Variants in HECW2 observed in about 807,000 individuals in gnomAD.
HECW2 encodes HECT, C2 and WW domain containing E3 ubiquitin protein ligase 2.
Under a neutral mutation model 175.2 loss-of-function variants are expected in HECW2, and 61 were observed. The ratio of observed to expected loss-of-function variants is 0.35; its 90% CI spans 0.28 to 0.43. HECW2 has a LOEUF of 0.43. Among genes scored for constraint, HECW2 ranks in the 20% least tolerant of loss-of-function variants. HECW2 has a pLI of 1.00. For missense variants in HECW2, 1,524 were observed against 2,000.5 expected (o/e 0.76, Z 4.54); for synonymous variants, 671 against 731.0 (o/e 0.92, Z 1.32).
At chr2:196,436,294 G>A (rs1014694062) in intron 1 of HECW2, among the ~76,000 whole-genome samples, 6 of 151,814 alleles carry the variant, frequency 4.0e-5, no homozygotes, top group East Asian at 1.9e-4. Flanking sequence ...CCAGCTACTC[G>A]GGAGGCTGAG....
In HECW2 at chr2:196,217,050, T is replaced by G. The variant is rs1687499503; in HGVS notation, c.4452A>C (p.Ala1484=). 1 of 1,559,240 alleles carries G rather than the reference T, an allele frequency of 6.4e-7. No individual in the cohort carries two copies. The highest frequency in any genetic ancestry group is 2.2e-5 in the Admixed American group (1 of 46,352). ...NHIVIRWFWA[A]VERFNNEQRL... is the part of the protein sequence containing the mutation. ...GTTGTTCATTGTTGAATCTTTCCAC[T>G]GCAGCCCAGAACCACCGAATTACAA... Residue 1484 remains alanine, a synonymous_variant, in exon 27 of 29, where the codon GCA becomes GCC. Transcript: ENST00000644978.
At chr2:196,344,235 T>C (rs1692866892) in intron 2 of HECW2, among the ~76,000 whole-genome samples, 1 of 148,916 alleles carries the variant, frequency 6.7e-6, no homozygotes, top group African/African-American at 2.5e-5. Context: ...CCAGGAACAG[T>C]GTTTAGGGAA....
intron 2 of HECW2, among the ~76,000 whole-genome samples, chr2:196,402,254 A>G (rs575447025): frequency 3.0e-4 from 46 of 151,566 alleles, no homozygotes; most frequent in African/African-American, 9.7e-4. Context: ...ATAAGTTACT[A>G]AAGGAAAAAA....
At chr2:196,502,769 G>C (rs755017698) in intron 1 of HECW2, among the ~76,000 whole-genome samples, 1 of 152,142 alleles carries the variant, frequency 6.6e-6, no homozygotes, top group Non-Finnish European at 1.5e-5. Flanking sequence ...GGTGGGACAG[G>C]CATGCTCTTC....
At chr2:196,485,336 T>C (rs1686965273) in intron 1 of HECW2, among the ~76,000 whole-genome samples, 1 of 152,186 alleles carries the variant, frequency 6.6e-6, no homozygotes, top group East Asian at 1.9e-4. Flanking sequence ...TAGAACATTG[T>C]CTTGGTCCGT....
intron 28 of HECW2, among the ~76,000 whole-genome samples, chr2:196,212,605 A>T (rs1470398372): frequency 6.6e-6 from 1 of 152,130 alleles, no homozygotes; most frequent in African/African-American, 2.4e-5. Context: ...ATTGATGGGC[A>T]TTTAGGTTGA....
chr2:196,530,611 A>G (rs1688807505), intron 1 of HECW2, among the ~76,000 whole-genome samples: 1 of 152,186 alleles, frequency 6.6e-6, no homozygotes, highest in African/African-American at 2.4e-5. Context: ...ACTCCTTAAC[A>G]TGGTTTAGTG....
intron 5 of HECW2, among the ~76,000 whole-genome samples, chr2:196,325,597 G>T (rs1391303075): frequency 1.3e-5 from 2 of 152,160 alleles, no homozygotes; most frequent in East Asian, 3.9e-4. Flanking sequence ...TACTGAGTAA[G>T]CAGTTCACTG....
chr2:196,548,592 T>C (rs1689502099), intron 1 of HECW2, among the ~76,000 whole-genome samples: 1 of 152,130 alleles, frequency 6.6e-6, no homozygotes, highest in Admixed American at 6.5e-5. Context: ...CCAAAACAGG[T>C]CATTGTAATA....
At chr2:196,512,264 T>G (rs571305327) in intron 1 of HECW2, among the ~76,000 whole-genome samples, 2 of 152,330 alleles carry the variant, frequency 1.3e-5, no homozygotes, top group African/African-American at 4.8e-5. Flanking sequence ...TGTGAAACAT[T>G]TCAGTTTTTA....
At chr2:196,367,933 CAT>C (rs1185658144) in intron 2 of HECW2, among the ~76,000 whole-genome samples, 5 of 148,850 alleles carry the variant, frequency 3.4e-5, no homozygotes, top group African/African-American at 7.6e-5. Context: ...TACATAGATA[CAT>C]ATATATATGA....
chr2:196,469,112 T>TGC (rs1433550215), intron 1 of HECW2, among the ~76,000 whole-genome samples: 1 of 86,026 alleles, frequency 1.2e-5, no homozygotes, highest in African/African-American at 3.8e-5. Flanking sequence ...TGTGTGTGTG[T>TGC]GTGTGTGCGT....
intron 13 of HECW2, among the ~76,000 whole-genome samples, chr2:196,298,949 T>C (rs1163484667): frequency 6.6e-6 from 1 of 152,196 alleles, no homozygotes; most frequent in East Asian, 1.9e-4. Context: ...TTTTATAACA[T>C]TTTCTGTTAA....
chr2:196,563,377 C>T (rs143417956), intron 1 of HECW2, among the ~76,000 whole-genome samples: 318 of 152,130 alleles, frequency 2.1e-3, no homozygotes, highest in Middle Eastern at 3.4e-3. Flanking sequence ...ACCAGCCTGG[C>T]CAAAATGGCA....
intron 13 of HECW2, among the ~76,000 whole-genome samples, chr2:196,296,491 G>A (rs923302874): frequency 6.6e-6 from 1 of 152,196 alleles, no homozygotes; most frequent in African/African-American, 2.4e-5. Flanking sequence ...GATAAAGAAA[G>A]TGGCAAAATT....
At chr2:196,548,344 G>A (rs1475372748) in intron 1 of HECW2, among the ~76,000 whole-genome samples, 23 of 141,692 alleles carry the variant, frequency 1.6e-4, no homozygotes, top group East Asian at 2.0e-4. Context: ...AAAAAAAAAA[G>A]AAAAGAAGAA....
At chr2:196,482,387 G>A (rs76301124) in intron 1 of HECW2, among the ~76,000 whole-genome samples, 10,132 of 152,316 alleles carry the variant, frequency 0.067, 450 homozygotes, top group Middle Eastern at 0.13. Context: ...GCAACTCCAA[G>A]GGATTACAAC....
chr2:196,320,361 C>G lies in HECW2; in HGVS notation c.963G>C (p.Glu321Asp). The G allele has an allele frequency of 6.2e-7, 1 of 1,609,512 alleles. No individual in the cohort carries two copies. Among genetic ancestry groups the G allele is most frequent in the Non-Finnish European group, 8.5e-7 (1 of 1,176,312 alleles). Reference protein sequence around the residue: ...HVSGYLQFKVEVTSSVHEDAS... With the variant: ...HVSGYLQFKVDVTSSVHEDAS... ...CACCTTCATGAACAGAAGACGTAAC[C>G]TCCACTTTAAACTGGAGGTACCCAC... Residue 321 changes from glutamate (E) to aspartate (D), a missense_variant, in exon 8 of 29, where the codon GAG becomes GAC. Physicochemically the swap from Glu to Asp is conservative, Grantham distance 45. Around this residue, in one of 11 missense-constraint regions of HECW2, gnomAD observed 604 missense variants for 588.3 expected, o/e 1.03. Transcript: ENST00000644978.
chr2:196,499,145 T>C lies in HECW2; in HGVS notation c.-35-65687A>G, dbSNP rs560913625. ...AGCTTGCCCTGCAATTATTAAACGC[T>C]TTCTCTGCTGCAATACCCGCCATCT... On this transcript the variant is annotated intron_variant, in intron 1 of 28. Coordinates refer to ENST00000644978, the MANE Select transcript of HECW2 (RefSeq NM_001348768.2). 2.6e-5 allele frequency among the ~76,000 whole-genome samples: 4 copies of C among 152,274 alleles called. No individual in the cohort carries two copies. In the South Asian group the frequency reaches 8.3e-4, roughly 32 times the overall value.
Sources: gnomAD v4.1 joint callset for allele counts (sites outside exome capture counted in the v4.1 genomes callset) on GRCh38, gnomAD v4.1.1 for gene constraint, gnomAD v4.1.1 regional missense constraint, MANE v1.5 for transcripts, NCBI Gene and HGNC (gene_info 2026-07-23, HGNC 2026-07-21) for gene names.